The following FER variants were observed in gnomAD, a reference collection of about 807,000 sequenced individuals.
FER encodes FER tyrosine kinase.
In FER, 63 loss-of-function variants were observed where a neutral mutation model predicts 111.0. That is an observed-to-expected ratio of 0.57 (90% CI 0.46 to 0.70). FER has a LOEUF of 0.70. Among genes scored for constraint, FER ranks in the 30% least tolerant of loss-of-function variants. FER has a pLI of 0.00. For missense variants in FER, 914 were observed against 954.0 expected (o/e 0.96, Z 0.55); for synonymous variants, 327 against 313.9 (o/e 1.04, Z -0.44).
intron 13 of FER, among the ~76,000 whole-genome samples, chr5:108,986,389 A>G (rs185784312): frequency 6.0e-5 from 9 of 149,242 alleles, no homozygotes; most frequent in Non-Finnish European, 1.2e-4. Context: ...CTTCCACTCT[A>G]TGTGTTGTCT....
At chr5:108,998,464 C>T (rs1231294652) in intron 13 of FER, among the ~76,000 whole-genome samples, 1 of 152,182 alleles carries the variant, frequency 6.6e-6, no homozygotes, top group African/African-American at 2.4e-5. Flanking sequence ...TCGGCTCGCC[C>T]TCCATTGGCC....
chr5:108,850,546 T>C (rs78854376), intron 5 of FER, among the ~76,000 whole-genome samples: 6,111 of 152,238 alleles, frequency 0.04, 178 homozygotes, highest in South Asian at 0.11. Flanking sequence ...AAAAATTTTA[T>C]ATAAAACTTG....
At chr5:108,761,041 C>T (rs1181144853) in intron 1 of FER, among the ~76,000 whole-genome samples, 1 of 152,054 alleles carries the variant, frequency 6.6e-6, no homozygotes, top group African/African-American at 2.4e-5. Context: ...AGCAATTCTC[C>T]TGCCTCAGCC....
At chr5:108,952,273 A>G (rs1757857388) in intron 11 of FER, among the ~76,000 whole-genome samples, 1 of 152,050 alleles carries the variant, frequency 6.6e-6, no homozygotes, top group Non-Finnish European at 1.5e-5. Flanking sequence ...TTCATTTGTG[A>G]TGTCATTATG....
chr5:108,779,904 A>T (rs1196510024), intron 2 of FER, among the ~76,000 whole-genome samples: 2 of 152,086 alleles, frequency 1.3e-5, no homozygotes, highest in Non-Finnish European at 2.9e-5. Flanking sequence ...ACTAATTACC[A>T]CCTCCATCCT....
intron 11 of FER, among the ~76,000 whole-genome samples, chr5:108,947,544 T>A (rs1340346768): frequency 6.6e-6 from 1 of 152,022 alleles, no homozygotes; most frequent in Non-Finnish European, 1.5e-5. Flanking sequence ...TTAAAATTGC[T>A]TATTTATTGT....
At chr5:108,967,260 T>G (rs1296902840) in intron 13 of FER, among the ~76,000 whole-genome samples, 8 of 152,128 alleles carry the variant, frequency 5.3e-5, no homozygotes, top group African/African-American at 1.9e-4. Context: ...GGGCAGAGAA[T>G]AATTTTATTG....
Position 108,872,098 on chromosome 5 carries a change from C to A in FER, c.809C>A (p.Thr270Lys). The change falls in exon 8 of 20, where the codon ACG (threonine) becomes AAG (lysine). Residue 270 changes from threonine (T) to lysine (K), a missense_variant. Around this residue, in one of 3 missense-constraint regions of FER, gnomAD observed 774 missense variants for 782.6 expected, o/e 0.99. Coordinates refer to ENST00000281092, the MANE Select transcript of FER (RefSeq NM_005246.4). ...TATTTGCCATGCTTTACTAGAACAACGGCTGCTAAAGAACAAGAAATAGAG... is the reference window on the plus strand; with the variant it reads ...TATTTGCCATGCTTTACTAGAACAAAGGCTGCTAAAGAACAAGAAATAGAG... Reference protein sequence around the residue: ...YNNFIDVHRTTAAKEQEIEFD... With the variant: ...YNNFIDVHRTKAAKEQEIEFD... The A allele has an allele frequency of 1.9e-6, 3 of 1,609,460 alleles. No homozygotes were observed. The highest frequency in any genetic ancestry group is 2.5e-6 in the Non-Finnish European group (3 of 1,177,982).
intron 16 of FER, chr5:109,052,141 A>T: frequency 6.2e-7 from 1 of 1,605,296 alleles, no homozygotes; most frequent in Admixed American, 1.7e-5. Flanking sequence ...TTTCTTGTTC[A>T]GTTTCTCTTC....
At chr5:109,083,036 A>G (rs1458250279) in intron 16 of FER, among the ~76,000 whole-genome samples, 3 of 152,100 alleles carry the variant, frequency 2.0e-5, no homozygotes, top group East Asian at 3.8e-4. Flanking sequence ...AAGTGAAAAG[A>G]TAGGTGTTAA....
At chr5:109,068,548 T>C (rs1188899248) in intron 16 of FER, among the ~76,000 whole-genome samples, 1 of 152,178 alleles carries the variant, frequency 6.6e-6, no homozygotes, top group Non-Finnish European at 1.5e-5. Context: ...TGCACTGTAA[T>C]TCTTATTTAG....
Position 109,128,654 on chromosome 5 carries a change from A to AT in FER, c.2048+28136dup, listed in dbSNP as rs543848061. Among the ~76,000 whole-genome samples, 23 of 152,270 alleles carry AT rather than the reference A, an allele frequency of 1.5e-4. No individual in the cohort carries two copies. The East Asian group carries it at 3.1e-3, about 20-fold the overall frequency. On this transcript the variant is annotated intron_variant, in intron 17 of 19. Coordinates refer to ENST00000281092, the MANE Select transcript of FER (RefSeq NM_005246.4). Reference sequence around the variant, plus strand: ...AAGATGTTCACACTACTATTCAGCAATACCCATAGGTTAACCAAGCATAAA... The same window carrying AT: ...AAGATGTTCACACTACTATTCAGCAATTACCCATAGGTTAACCAAGCATAAA...
At chr5:108,757,188 G>A (rs1751212391) in intron 1 of FER, among the ~76,000 whole-genome samples, 1 of 152,168 alleles carries the variant, frequency 6.6e-6, no homozygotes, top group Non-Finnish European at 1.5e-5. Context: ...AGCTATTTGG[G>A]AGCAACTCTA....
chr5:109,143,425 A>T (rs1753732558), intron 17 of FER, among the ~76,000 whole-genome samples: 1 of 152,126 alleles, frequency 6.6e-6, no homozygotes, highest in Non-Finnish European at 1.5e-5. Context: ...CCTAACTAGG[A>T]TCCAGTGTAA....
chr5:109,154,153 G>A (rs183302304), intron 17 of FER, among the ~76,000 whole-genome samples: 228 of 151,882 alleles, frequency 1.5e-3, no homozygotes, highest in Middle Eastern at 3.4e-3. Flanking sequence ...CTCATAATTG[G>A]AACCAGAAAA....
At chr5:109,079,610 T>C (rs1776755697) in intron 16 of FER, among the ~76,000 whole-genome samples, 1 of 152,146 alleles carries the variant, frequency 6.6e-6, no homozygotes, top group Non-Finnish European at 1.5e-5. Flanking sequence ...CATACTAATG[T>C]TGTTCTGGTT....
intron 13 of FER, among the ~76,000 whole-genome samples, chr5:108,981,769 C>T (rs1263212682): frequency 6.6e-6 from 1 of 152,104 alleles, no homozygotes; most frequent in East Asian, 1.9e-4. Flanking sequence ...TTGTTCAAGA[C>T]TGCATAACTA....
chr5:109,077,623 A>G (rs1776492386), intron 16 of FER, among the ~76,000 whole-genome samples: 1 of 152,176 alleles, frequency 6.6e-6, no homozygotes, highest in Non-Finnish European at 1.5e-5. Flanking sequence ...ACCTAACAGA[A>G]GTAGAACATG....
At chr5:109,147,822 GAGAGAC>G (rs1180172225) in intron 17 of FER, among the ~76,000 whole-genome samples, 1 of 148,648 alleles carries the variant, frequency 6.7e-6, no homozygotes, top group Non-Finnish European at 1.5e-5. Context: ...GAGAGAGAGA[GAGAGAC>G]AGAGACAGAG....
Sources: gnomAD v4.1 joint callset for allele counts (sites outside exome capture counted in the v4.1 genomes callset) on GRCh38, gnomAD v4.1.1 for gene constraint, gnomAD v4.1.1 regional missense constraint, MANE v1.5 for transcripts, NCBI Gene and HGNC (gene_info 2026-07-23, HGNC 2026-07-21) for gene names.